Variants in ANO4 observed in about 807,000 individuals in gnomAD.
The protein encoded by ANO4 is anoctamin 4.
ANO4 carries 69 observed loss-of-function variants against 141.9 expected under a neutral mutation model. That is an observed-to-expected ratio of 0.49 (90% CI 0.40 to 0.59). ANO4 has a LOEUF of 0.59. Ranked by LOEUF, ANO4 falls within the 20% of genes least tolerant of loss-of-function variation. The probability of loss-of-function intolerance (pLI) is 0.00; values close to 1 mark genes in which losing one functional copy is unlikely to be tolerated. For missense variants in ANO4, 894 were observed against 1,162.2 expected (o/e 0.77, Z 3.36); for synonymous variants, 350 against 394.3 (o/e 0.89, Z 1.33).
At chr12:100,967,823 A>G (rs963698508) in intron 5 of ANO4, among the ~76,000 whole-genome samples, 2 of 152,224 alleles carry the variant, frequency 1.3e-5, no homozygotes, top group African/African-American at 2.4e-5. Context: ...TAAAGCAACA[A>G]TTCAGTCTAT....
At chr12:101,067,241 G>A (rs954609097) in intron 14 of ANO4, among the ~76,000 whole-genome samples, 1 of 152,128 alleles carries the variant, frequency 6.6e-6, no homozygotes, top group African/African-American at 2.4e-5. Context: ...ATGCATACAG[G>A]CTTACATTAT....
intron 1 of ANO4, among the ~76,000 whole-genome samples, chr12:100,899,970 C>G (rs1194502389): frequency 6.6e-6 from 1 of 152,144 alleles, no homozygotes. Context: ...GGTTGTGATT[C>G]AAACCTACGC....
intron 17 of ANO4, among the ~76,000 whole-genome samples, 162 bp downstream of exon 17, chr12:101,086,986 T>C (rs532459589): frequency 1.5e-4 from 23 of 152,310 alleles, no homozygotes; most frequent in African/African-American, 5.5e-4. Flanking sequence ...CACTTGGGTC[T>C]GAGTGCTTAA....
In ANO4 at chr12:101,116,825, G is replaced by T. The variant is rs200249882; in HGVS notation, c.2570+27G>T. The T allele has an allele frequency of 2.6e-4, 421 of 1,613,792 alleles. 1 individual carries two copies. The African/African-American group carries it at 5.0e-3, about 19-fold the overall frequency. On this transcript the variant is annotated intron_variant, in intron 25 of 27. Coordinates refer to ENST00000392977, the MANE Select transcript of ANO4 (RefSeq NM_001286615.2). Reference sequence around the variant, plus strand: ...TGAGTGTGGCACCCAGCGTGGCTCTGCCTGAGCTGGGCTGGCTCCACCGTG... The same window carrying T: ...TGAGTGTGGCACCCAGCGTGGCTCTTCCTGAGCTGGGCTGGCTCCACCGTG...
At chr12:100,849,546 A>G (rs1425345301) in intron 1 of ANO4, among the ~76,000 whole-genome samples, 4 of 152,294 alleles carry the variant, frequency 2.6e-5, no homozygotes, top group Middle Eastern at 3.4e-3. Context: ...GCAAACATCT[A>G]TATAAATGAG....
chr12:100,954,189 T>G (rs964959940), intron 5 of ANO4, among the ~76,000 whole-genome samples: 2 of 152,296 alleles, frequency 1.3e-5, no homozygotes, highest in Admixed American at 6.5e-5. Flanking sequence ...AAAGCCACTC[T>G]GTGTCCTCCA....
intron 1 of ANO4, among the ~76,000 whole-genome samples, chr12:100,879,449 C>T (rs1328929824): frequency 6.6e-6 from 1 of 152,094 alleles, no homozygotes; most frequent in Non-Finnish European, 1.5e-5. Context: ...ATTGTTGTTT[C>T]TCTGTAAAAT....
At chr12:100,989,974 C>CGG (rs2045006946) in intron 8 of ANO4, among the ~76,000 whole-genome samples, 2 of 29,604 alleles carry the variant, frequency 6.8e-5, no homozygotes, top group African/African-American at 2.8e-4. Flanking sequence ...GATAGGTCAC[C>CGG]AGATGGATGG....
intron 3 of ANO4, among the ~76,000 whole-genome samples, chr12:100,935,202 C>T (rs1221345856): frequency 1.3e-5 from 2 of 152,152 alleles, no homozygotes; most frequent in Non-Finnish European, 2.9e-5. Flanking sequence ...AGTTTTTGCC[C>T]ATTCAGTATG....
At chr12:101,102,007 C>G (rs1013601779) in intron 22 of ANO4, among the ~76,000 whole-genome samples, 1 of 152,006 alleles carries the variant, frequency 6.6e-6, no homozygotes, top group African/African-American at 2.4e-5. Flanking sequence ...TTGCCTGAAC[C>G]TGGGAGGCAG....
intron 8 of ANO4, among the ~76,000 whole-genome samples, chr12:100,988,621 C>A (rs1274256426): frequency 6.6e-6 from 1 of 151,000 alleles, no homozygotes; most frequent in Non-Finnish European, 1.5e-5. Context: ...ATCTGTAATA[C>A]CTGCACTTTG....
At chr12:100,893,394 A>G (rs2040198570) in intron 1 of ANO4, among the ~76,000 whole-genome samples, 2 of 151,980 alleles carry the variant, frequency 1.3e-5, no homozygotes, top group South Asian at 4.2e-4. Flanking sequence ...ACACCCAGAA[A>G]CATTTGTCTT....
At chr12:101,033,818 A>G (rs1215966039) in intron 9 of ANO4, among the ~76,000 whole-genome samples, 1 of 152,230 alleles carries the variant, frequency 6.6e-6, no homozygotes, top group African/African-American at 2.4e-5. Context: ...CCCATGAAAA[A>G]GTGGGCAAAG....
intron 3 of ANO4, among the ~76,000 whole-genome samples, chr12:100,772,145 C>T (rs1396251723): frequency 6.6e-6 from 1 of 152,116 alleles, no homozygotes; most frequent in Non-Finnish European, 1.5e-5. Flanking sequence ...GTGGTGAACT[C>T]AAGGCCACTA....
intron 18 of ANO4, 81 bp from the exon 19 acceptor site, chr12:101,096,453 CTG>C (rs141573823): frequency 2.7e-6 from 3 of 1,122,474 alleles, no homozygotes; most frequent in Non-Finnish European, 4.0e-6. Flanking sequence ...CGTCCCCACC[CTG>C]TGTGTGTGGG....
intron 3 of ANO4, among the ~76,000 whole-genome samples, chr12:100,925,767 A>G (rs572687680): frequency 2.6e-5 from 2 of 78,122 alleles, no homozygotes; most frequent in African/African-American, 5.0e-5. Flanking sequence ...TATATATAGT[A>G]TATATATATA....
chr12:101,043,855 A>G (rs923414011), intron 13 of ANO4, among the ~76,000 whole-genome samples: 2 of 152,182 alleles, frequency 1.3e-5, no homozygotes. Context: ...GAGCTGCAGC[A>G]TGGCACAGTG....
At chr12:101,024,635 C>T (rs2046661757) in intron 9 of ANO4, among the ~76,000 whole-genome samples, 1 of 151,764 alleles carries the variant, frequency 6.6e-6, no homozygotes, top group African/African-American at 2.4e-5. Context: ...CTTATTAGGT[C>T]CTTATGAATC....
Position 101,116,816 on chromosome 12 carries a change from C to T in ANO4, c.2570+18C>T, listed in dbSNP as rs768071073. ...TACTGCAGGTGAGTGTGGCACCCAG[C>T]GTGGCTCTGCCTGAGCTGGGCTGGC... On this transcript the variant is annotated intron_variant, in intron 25 of 27. Coordinates refer to ENST00000392977, the MANE Select transcript of ANO4 (RefSeq NM_001286615.2). The T allele has an allele frequency of 9.9e-6, 16 of 1,613,732 alleles. No individual in the cohort carries two copies. The Admixed American group carries it at 1.8e-4, about 19-fold the overall frequency.
Sources: allele counts gnomAD v4.1 joint callset (sites outside exome capture counted in the v4.1 genomes callset), GRCh38; gene constraint gnomAD v4.1.1; transcripts MANE v1.5; gene names NCBI Gene and HGNC (gene_info 2026-07-23, HGNC 2026-07-21).